DCDC2C: variants seen among roughly 807,000 people sequenced by gnomAD.
The protein encoded by DCDC2C is doublecortin domain containing 2C.
Under a neutral mutation model 45.0 loss-of-function variants are expected in DCDC2C, and 44 were observed. The observed-to-expected ratio is 0.98, with a 90% confidence interval of 0.77 to 1.26. The LOEUF is 1.26. Among genes scored for constraint, DCDC2C ranks in the 50% most tolerant of loss-of-function variants. The pLI is 0.00. For missense variants in DCDC2C, 447 were observed against 468.9 expected (o/e 0.95, Z 0.43); for synonymous variants, 187 against 178.8 (o/e 1.05, Z -0.37).
chr2:3,805,355 T>C (rs1197405922), intron 10 of DCDC2C, among the ~76,000 whole-genome samples: 15 of 152,172 alleles, frequency 9.9e-5, no homozygotes, highest in Admixed American at 9.2e-4. Flanking sequence ...TGATTGACAA[T>C]GGATAGGATT....
chr2:3,752,796 C>T lies in DCDC2C; in HGVS notation c.579C>T (p.Asp193=), dbSNP rs1321947516. The T allele has an allele frequency of 1.3e-6, 2 of 1,550,334 alleles. No individual in the cohort carries two copies. The highest frequency in any genetic ancestry group is 1.4e-5 in the African/African-American group (1 of 73,030). Reference sequence around the variant, plus strand: ...CAATGAATGGGCATCTTTTGGGCGACTCAAAGGATTTGCAAGACAATCACT... The same window carrying T: ...CAATGAATGGGCATCTTTTGGGCGATTCAAAGGATTTGCAAGACAATCACT... ...LFTMNGHLLG[D]SKDLQDNHFY... The change falls in exon 5 of 11, where the codon GAC becomes GAT. Residue 193 remains aspartate (D), a synonymous_variant. Transcript: ENST00000399143.
intron 4 of DCDC2C, among the ~76,000 whole-genome samples, chr2:3,745,002 T>C (rs933720530): frequency 1.2e-4 from 18 of 152,096 alleles, no homozygotes; most frequent in African/African-American, 4.4e-4. Context: ...TATTTACTTA[T>C]TTATTTTTAG....
chr2:3,813,126 C>T (rs1037341768), intron 10 of DCDC2C, among the ~76,000 whole-genome samples: 4 of 148,036 alleles, frequency 2.7e-5, no homozygotes, highest in African/African-American at 7.4e-5. Flanking sequence ...GGCTGGAGTG[C>T]AGTGGCATGA....
At chr2:3,758,655 C>T (rs1669792734) in intron 6 of DCDC2C, among the ~76,000 whole-genome samples, 1 of 152,154 alleles carries the variant, frequency 6.6e-6, no homozygotes, top group African/African-American at 2.4e-5. Context: ...CCCCCAAACC[C>T]AGGTGCTTCA....
At chr2:3,716,818 G>T (rs1386201171) in intron 2 of DCDC2C, among the ~76,000 whole-genome samples, 2 of 152,116 alleles carry the variant, frequency 1.3e-5, no homozygotes, top group Non-Finnish European at 2.9e-5. Flanking sequence ...TTTTGCATGT[G>T]GTTTCTCTTA....
chr2:3,790,896 CAGG>C (rs1670790347), intron 10 of DCDC2C, among the ~76,000 whole-genome samples: 1 of 152,092 alleles, frequency 6.6e-6, no homozygotes, highest in African/African-American at 2.4e-5. Context: ...ATCACGAGGT[CAGG>C]AGATCGAGAC....
intron 10 of DCDC2C, among the ~76,000 whole-genome samples, chr2:3,790,066 G>A (rs1670764227): frequency 6.6e-6 from 1 of 152,056 alleles, no homozygotes; most frequent in Non-Finnish European, 1.5e-5. Flanking sequence ...GAAATTCATT[G>A]AGGATTGAAA....
chr2:3,776,859 T>C (rs1285531004), intron 8 of DCDC2C, among the ~76,000 whole-genome samples: 1 of 152,318 alleles, frequency 6.6e-6, no homozygotes, highest in East Asian at 1.9e-4. Context: ...CTTCTCTGCA[T>C]GAATGACACC....
At chr2:3,716,852 G>GAAACACA (rs1668363126) in intron 2 of DCDC2C, among the ~76,000 whole-genome samples, 1 of 152,180 alleles carries the variant, frequency 6.6e-6, no homozygotes, top group Non-Finnish European at 1.5e-5. Context: ...GTTCATCCAT[G>GAAACACA]TTGTAGTGTG....
At chr2:3,785,188 T>C in intron 10 of DCDC2C, 88 bp downstream of exon 10, 1 of 1,036,186 alleles carries the variant, frequency 9.7e-7, no homozygotes, top group Non-Finnish European at 1.2e-6. Context: ...CCAAATCTTC[T>C]CAGGTGCTTT....
At chr2:3,733,762 G>C (rs1261408378) in intron 3 of DCDC2C, among the ~76,000 whole-genome samples, 1 of 152,060 alleles carries the variant, frequency 6.6e-6, no homozygotes, top group South Asian at 2.1e-4. Context: ...CCTTTTAAAG[G>C]CCTCACCTCT....
At chr2:3,713,917 T>A (rs1259661960) in intron 2 of DCDC2C, among the ~76,000 whole-genome samples, 1 of 152,216 alleles carries the variant, frequency 6.6e-6, no homozygotes, top group Non-Finnish European at 1.5e-5. Context: ...AAATTTGAGA[T>A]CCATGATTGC....
At chr2:3,730,020 G>C (rs1166615393) in intron 3 of DCDC2C, among the ~76,000 whole-genome samples, 1 of 152,180 alleles carries the variant, frequency 6.6e-6, no homozygotes, top group Non-Finnish European at 1.5e-5. Flanking sequence ...TCATAAGGGG[G>C]ACTTGAGGAG....
intron 10 of DCDC2C, among the ~76,000 whole-genome samples, chr2:3,789,819 T>C (rs1277369945): frequency 6.6e-6 from 1 of 152,238 alleles, no homozygotes; most frequent in African/African-American, 2.4e-5. Flanking sequence ...TGGTGTTTCA[T>C]GTTTTTGAAA....
chr2:3,770,392 AC>A (rs1388818851), intron 8 of DCDC2C, among the ~76,000 whole-genome samples: 1 of 152,164 alleles, frequency 6.6e-6, no homozygotes, highest in Non-Finnish European at 1.5e-5. Flanking sequence ...TTTCTGTGAC[AC>A]ATTTGAAAAA....
At position 3,766,310 on chromosome 2, in the gene DCDC2C, G is replaced by GCACACACACA. The variant is rs61471003; in HGVS notation, c.727-1430_727-1421dup. On this transcript the variant is annotated intron_variant, in intron 6 of 10. Transcript: ENST00000399143. ...CTCATACATACACATACACACACACGCACACACACACACACACACACACGG... is the reference window on the plus strand; with the variant it reads ...CTCATACATACACATACACACACACGCACACACACACACACACACACACACACACACACGG... Among the ~76,000 whole-genome samples the GCACACACACA allele has an allele frequency of 7.5e-5, 11 of 146,154 alleles. No homozygotes were observed. The South Asian group carries it at 1.1e-3, about 15-fold the overall frequency.
At chr2:3,773,430 A>T (rs1337681230) in intron 8 of DCDC2C, among the ~76,000 whole-genome samples, 2 of 152,152 alleles carry the variant, frequency 1.3e-5, no homozygotes, top group Non-Finnish European at 2.9e-5. Context: ...GCGGGGGTGC[A>T]TGGCCTGTGT....
intron 8 of DCDC2C, among the ~76,000 whole-genome samples, chr2:3,771,594 A>G (rs1441742822): frequency 6.6e-6 from 1 of 152,254 alleles, no homozygotes; most frequent in Non-Finnish European, 1.5e-5. Flanking sequence ...AGGACTCTTC[A>G]TGACACACAG....
intron 3 of DCDC2C, among the ~76,000 whole-genome samples, chr2:3,733,732 G>GC (rs910771308): frequency 6.6e-5 from 10 of 152,250 alleles, no homozygotes; most frequent in South Asian, 4.2e-4. Flanking sequence ...GTGAACCTAA[G>GC]CCCCCTCGTG....
Sources: gnomAD v4.1 joint callset for allele counts (sites outside exome capture counted in the v4.1 genomes callset) on GRCh38, gnomAD v4.1.1 for gene constraint, MANE v1.5 for transcripts, NCBI Gene and HGNC (gene_info 2026-07-23, HGNC 2026-07-21) for gene names.